The following ZNF827 variants were observed in gnomAD, a reference collection of about 807,000 sequenced individuals.
ZNF827 encodes the protein zinc finger protein 827.
ZNF827 carries 13 observed loss-of-function variants against 102.4 expected under a neutral mutation model. That is an observed-to-expected ratio of 0.13 (90% CI 0.08 to 0.20). The LOEUF is 0.20. ZNF827 is among the 10% of genes least tolerant of loss of function. The pLI, the probability that ZNF827 is intolerant of heterozygous loss-of-function variation, is 1.00. For missense variants in ZNF827, 1,103 were observed against 1,344.4 expected (o/e 0.82, Z 2.81); for synonymous variants, 523 against 536.2 (o/e 0.98, Z 0.34).
At chr4:145,895,840 A>G (rs1213503868) in intron 2 of ZNF827, among the ~76,000 whole-genome samples, 1 of 152,212 alleles carries the variant, frequency 6.6e-6, no homozygotes, top group Non-Finnish European at 1.5e-5. Context: ...GAACCTAAGG[A>G]AAGAGGACCA....
At position 145,760,931 on chromosome 4, in the gene ZNF827, G is replaced by A. The variant is rs1271378861; in HGVS notation, c.*685C>T. 8.1e-7 allele frequency: 1 copy of A among 1,232,078 alleles called. No individual in the cohort carries two copies. The highest frequency in any genetic ancestry group is 1.6e-5 in the African/African-American group (1 of 63,730). The allele number at this position is 1,232,078 out of a possible 1,614,324, so 76.3% of individuals were successfully genotyped here. On this transcript the variant is annotated 3_prime_UTR_variant, in exon 15 of 15. Coordinates refer to ENST00000508784, the MANE Select transcript of ZNF827 (RefSeq NM_001306215.2). Reference sequence around the variant, plus strand: ...TATAACATTGTCAAGGGAATGAGATGGGCAAAATCTGAGTTCCGGTACTTG... The same window carrying A: ...TATAACATTGTCAAGGGAATGAGATAGGCAAAATCTGAGTTCCGGTACTTG...
At chr4:145,779,589 A>T in intron 8 of ZNF827, 78 bp from the exon 9 acceptor site, 1 of 1,547,258 alleles carries the variant, frequency 6.5e-7, no homozygotes, top group East Asian at 2.3e-5. Context: ...TCAGGATTTC[A>T]GCAGAGCCTT....
intron 1 of ZNF827, among the ~76,000 whole-genome samples, chr4:145,928,468 C>T (rs1348379920): frequency 6.6e-6 from 1 of 152,174 alleles, no homozygotes; most frequent in Non-Finnish European, 1.5e-5. Flanking sequence ...TTCAAGCAAT[C>T]CTCAGTTGAC....
At chr4:145,812,189 G>T (rs1742089038) in intron 8 of ZNF827, among the ~76,000 whole-genome samples, 1 of 151,814 alleles carries the variant, frequency 6.6e-6, no homozygotes, top group Admixed American at 6.6e-5. Context: ...GCCTCCCAAA[G>T]TACTGGAATT....
intron 8 of ZNF827, among the ~76,000 whole-genome samples, chr4:145,791,468 G>C (rs1000839203): frequency 1.3e-5 from 2 of 152,128 alleles, no homozygotes; most frequent in African/African-American, 4.8e-5. Flanking sequence ...TAGGAGAGGA[G>C]GAAAGGGATT....
At chr4:145,861,245 G>A (rs1747702170) in intron 5 of ZNF827, among the ~76,000 whole-genome samples, 1 of 152,194 alleles carries the variant, frequency 6.6e-6, no homozygotes, top group African/African-American at 2.4e-5. Flanking sequence ...GAATGAGAAT[G>A]CTTTTGATAT....
intron 1 of ZNF827, among the ~76,000 whole-genome samples, chr4:145,923,693 T>A (rs1454679359): frequency 1.3e-5 from 2 of 152,172 alleles, no homozygotes; most frequent in Non-Finnish European, 2.9e-5. Flanking sequence ...TATAAAATAA[T>A]GCTACTCTTC....
At chr4:145,865,675 C>T (rs1348846745) in intron 5 of ZNF827, among the ~76,000 whole-genome samples, 2 of 152,234 alleles carry the variant, frequency 1.3e-5, no homozygotes, top group Non-Finnish European at 2.9e-5. Context: ...ATAAACAGCA[C>T]CAAACACATT....
At chr4:145,832,694 G>A (rs1054750268) in intron 7 of ZNF827, 1 of 152,312 alleles carries the variant, frequency 6.6e-6, no homozygotes, top group Non-Finnish European at 1.5e-5. Flanking sequence ...AGTAACTGAA[G>A]AATCACAAAA....
rs79351374 is a variant in ZNF827, at chr4:145,860,975, G to A, written c.1981+9270C>T. 9.1e-3 allele frequency among the ~76,000 whole-genome samples: 1,379 copies of A among 152,270 alleles called. 20 individuals carry two copies. The highest frequency in any genetic ancestry group is 0.031 in the African/African-American group (1,275 of 41,532). ...TCAGACTATATGCATCTTCCAGTGC[G>A]GTGCACAGATGCGCTGAGTAGCCCC... On this transcript the variant is annotated intron_variant, in intron 5 of 14. Transcript: ENST00000508784.
intron 8 of ZNF827, among the ~76,000 whole-genome samples, chr4:145,790,132 A>G (rs1429460038): frequency 6.6e-6 from 1 of 152,262 alleles, no homozygotes; most frequent in Admixed American, 6.5e-5. Context: ...AGAGTTACCT[A>G]AAGACTGTAT....
At chr4:145,920,703 CTTCT>C (rs1235890574) in intron 1 of ZNF827, among the ~76,000 whole-genome samples, 1 of 152,222 alleles carries the variant, frequency 6.6e-6, no homozygotes, top group Non-Finnish European at 1.5e-5. Flanking sequence ...CCAGTCTTAA[CTTCT>C]TTGTTTATTC....
intron 1 of ZNF827, among the ~76,000 whole-genome samples, chr4:145,919,047 G>A (rs1043500373): frequency 1.4e-4 from 2 of 13,930 alleles, no homozygotes; most frequent in Non-Finnish European, 2.2e-4. Flanking sequence ...TTGAGGCCAG[G>A]AGTTTTGAGA....
chr4:145,767,305 C>T (rs1735447816), intron 11 of ZNF827, among the ~76,000 whole-genome samples: 1 of 152,026 alleles, frequency 6.6e-6, no homozygotes, highest in South Asian at 2.1e-4. Flanking sequence ...GATGAGTAAA[C>T]CTGAAGATAA....
chr4:145,867,313 C>G (rs759488108), intron 5 of ZNF827, among the ~76,000 whole-genome samples: 1 of 152,216 alleles, frequency 6.6e-6, no homozygotes, highest in Non-Finnish European at 1.5e-5. Flanking sequence ...TGAGCCTACT[C>G]TAGCTCATCT....
intron 1 of ZNF827, among the ~76,000 whole-genome samples, chr4:145,922,402 T>C (rs115849811): frequency 1.8e-3 from 267 of 152,340 alleles, no homozygotes; most frequent in African/African-American, 5.8e-3. Flanking sequence ...GTAAAACTAT[T>C]GGGACCTTAG....
Position 145,870,366 on chromosome 4 carries a change from T to A in ZNF827, c.1860A>T (p.Glu620Asp). ...AGACGCCTGGGGCTGACACTTCAGA[T>A]TCCGGGCTGAACACATAGCTGGACC... is the stretch of plus-strand genomic sequence containing the variant. ...LPRSSYVFSP[E>D]SEVSAPGVSE... is the part of the protein sequence containing the mutation. The change falls in exon 5 of 15, where the codon GAA becomes GAT. Residue 620 changes from glutamate (E) to aspartate (D), a missense_variant. Glu to Asp is a conservative substitution (Grantham distance 45). Around this residue, in one of 5 missense-constraint regions of ZNF827, gnomAD observed 243 missense variants for 251.6 expected, o/e 0.97. Coordinates refer to ENST00000508784, the MANE Select transcript of ZNF827 (RefSeq NM_001306215.2). 6.2e-7 allele frequency: 1 copy of A among 1,614,176 alleles called. No homozygotes were observed. The highest frequency in any genetic ancestry group is 1.1e-5 in the South Asian group (1 of 91,078).
rs1560996258 is a variant in ZNF827, at chr4:145,849,565, C to T, written c.1982-4G>A. On this transcript the variant is annotated splice_region_variant and splice_polypyrimidine_tract_variant and intron_variant, in intron 5 of 14. Transcript: ENST00000508784. Reference sequence around the variant, plus strand: ...TGTGTTTCCTTGTAGCTTTCCGCTGCAAGTAGGTGAATGAAGAGAAACAAA... The same window carrying T: ...TGTGTTTCCTTGTAGCTTTCCGCTGTAAGTAGGTGAATGAAGAGAAACAAA... 1 of 1,613,430 alleles carries T rather than the reference C, an allele frequency of 6.2e-7. No individual in the cohort carries two copies. The highest frequency in any genetic ancestry group is 8.5e-7 in the Non-Finnish European group (1 of 1,179,500).
At chr4:145,938,265 C>T in intron 1 of ZNF827, 100 bp downstream of exon 1, 1 of 1,460,344 alleles carries the variant, frequency 6.8e-7, no homozygotes, top group Non-Finnish European at 9.6e-7. Context: ...CTCTGTAACC[C>T]TAAACTAATG....
Sources: gnomAD v4.1 joint callset for allele counts (sites outside exome capture counted in the v4.1 genomes callset) on GRCh38, gnomAD v4.1.1 for gene constraint, gnomAD v4.1.1 regional missense constraint, MANE v1.5 for transcripts, NCBI Gene and HGNC (gene_info 2026-07-23, HGNC 2026-07-21) for gene names.